DENND4A: variants seen among roughly 807,000 people sequenced by gnomAD.
DENND4A encodes C-myc promoter-binding protein.
Under a neutral mutation model 199.3 loss-of-function variants are expected in DENND4A, and 70 were observed. The ratio of observed to expected loss-of-function variants is 0.35; its 90% CI spans 0.29 to 0.43. DENND4A has a LOEUF of 0.43. DENND4A is among the 20% of genes least tolerant of loss of function. DENND4A has a pLI of 1.00. For synonymous variants in DENND4A, 686 were observed against 766.9 expected, an observed-to-expected ratio of 0.89 and a Z score of 1.74; for missense variants, 1,723 against 2,255.8, an observed-to-expected ratio of 0.76 and a Z score of 4.78.
chr15:65,699,678 T>C (rs1461763186), intron 20 of DENND4A, among the ~76,000 whole-genome samples: 3 of 148,252 alleles, frequency 2.0e-5, no homozygotes, highest in Non-Finnish European at 4.5e-5. Context: ...ATTTTATATA[T>C]ATATATAAAT....
intron 1 of DENND4A, among the ~76,000 whole-genome samples, chr15:65,784,456 CA>C (rs60657281): frequency 1.9e-3 from 259 of 138,182 alleles, no homozygotes; most frequent in East Asian, 4.8e-3. Context: ...CCATTTCTTA[CA>C]AAAAAAAAAA....
At chr15:65,743,712 T>C (rs868251944) in intron 4 of DENND4A, among the ~76,000 whole-genome samples, 1 of 152,230 alleles carries the variant, frequency 6.6e-6, no homozygotes, top group Non-Finnish European at 1.5e-5. Flanking sequence ...CTCCATAAAG[T>C]ATTTGCTGAA....
chr15:65,757,273 G>T (rs916462821), intron 2 of DENND4A, among the ~76,000 whole-genome samples: 1 of 145,080 alleles, frequency 6.9e-6, no homozygotes, highest in South Asian at 2.4e-4. Context: ...GGGGGGGGGG[G>T]GGTCTCACTA....
intron 25 of DENND4A, among the ~76,000 whole-genome samples, chr15:65,670,764 A>G (rs2076191479): frequency 6.6e-6 from 1 of 152,228 alleles, no homozygotes; most frequent in African/African-American, 2.4e-5. Flanking sequence ...ATTGCTATAG[A>G]TAACTATAAA....
intron 1 of DENND4A, among the ~76,000 whole-genome samples, chr15:65,776,380 TAAAAA>T (rs905570595): frequency 1.2e-4 from 18 of 152,212 alleles, no homozygotes; most frequent in African/African-American, 4.3e-4. Context: ...GTTTTTTACT[TAAAAA>T]AGGGAGACAT....
intron 14 of DENND4A, among the ~76,000 whole-genome samples, chr15:65,707,681 A>C (rs79587928): frequency 7.8e-4 from 118 of 151,668 alleles, no homozygotes; most frequent in African/African-American, 2.8e-3. Context: ...AATCGTATAC[A>C]TATTATGATT....
At chr15:65,783,542 C>G (rs748511972) in intron 1 of DENND4A, among the ~76,000 whole-genome samples, 3 of 152,128 alleles carry the variant, frequency 2.0e-5, no homozygotes, top group Non-Finnish European at 4.4e-5. Flanking sequence ...CACTGAGTAA[C>G]CAGATCTTGG....
At chr15:65,771,400 A>G in intron 1 of DENND4A, 2 of 1,583,634 alleles carry the variant, frequency 1.3e-6, no homozygotes, top group South Asian at 1.1e-5. Context: ...ATTCATTTTT[A>G]AAGTCCTTGC....
chr15:65,664,919 G>C, intron 30 of DENND4A, 197 bp from the exon 31 acceptor site: 1 of 543,634 alleles, frequency 1.8e-6, no homozygotes, highest in Non-Finnish European at 3.2e-6. Context: ...AAAGCTTTCT[G>C]TGGTCTTAAA....
intron 25 of DENND4A, among the ~76,000 whole-genome samples, chr15:65,671,210 A>G (rs1192573690): frequency 6.6e-6 from 1 of 152,196 alleles, no homozygotes; most frequent in Non-Finnish European, 1.5e-5. Context: ...AATACTAACA[A>G]AGAAAATTAA....
At chr15:65,791,854 C>G (rs1159927328) in intron 1 of DENND4A, among the ~76,000 whole-genome samples, 156 bp downstream of exon 1, 2 of 152,202 alleles carry the variant, frequency 1.3e-5, no homozygotes, top group Non-Finnish European at 2.9e-5. Context: ...CCGCGGAGCA[C>G]CTCCCGGATC....
chr15:65,787,155 T>C (rs1442753015), intron 1 of DENND4A, among the ~76,000 whole-genome samples: 1 of 152,156 alleles, frequency 6.6e-6, no homozygotes, highest in Non-Finnish European at 1.5e-5. Context: ...AAATCTCTCA[T>C]CTACAAAACA....
intron 1 of DENND4A, among the ~76,000 whole-genome samples, chr15:65,762,272 G>A (rs1339767592): frequency 6.6e-6 from 1 of 152,092 alleles, no homozygotes; most frequent in Non-Finnish European, 1.5e-5. Context: ...CTCCCAAAGT[G>A]CTGGGATTAC....
intron 1 of DENND4A, among the ~76,000 whole-genome samples, chr15:65,764,898 G>T (rs555796633): frequency 1.3e-5 from 2 of 151,008 alleles, no homozygotes; most frequent in Admixed American, 1.3e-4. Flanking sequence ...CTTGAGCCCA[G>T]GAGGTTGAGG....
chr15:65,667,788 A>G (rs1170894826), intron 28 of DENND4A, 85 bp from the exon 29 acceptor site: 18 of 1,499,614 alleles, frequency 1.2e-5, no homozygotes, highest in Non-Finnish European at 1.5e-5. Flanking sequence ...TATGAGTAGA[A>G]AAGTAATATA....
intron 23 of DENND4A, chr15:65,680,983 G>GGC (rs2076553947): frequency 6.6e-6 from 1 of 152,196 alleles, no homozygotes; most frequent in Non-Finnish European, 1.5e-5. Context: ...GCTGCTGAAG[G>GGC]TTGAGTGGCT....
chr15:65,686,023 A>G (rs868752139), intron 23 of DENND4A, among the ~76,000 whole-genome samples: 6 of 152,208 alleles, frequency 3.9e-5, no homozygotes, highest in South Asian at 2.1e-4. Flanking sequence ...TATTTTCTAT[A>G]TTAATTTTAG....
chr15:65,785,564 GA>G (rs1391639260), intron 1 of DENND4A, among the ~76,000 whole-genome samples: 1 of 148,356 alleles, frequency 6.7e-6, no homozygotes, highest in African/African-American at 2.5e-5. Context: ...TTTTATTTTT[GA>G]AAAGTTTTAA....
intron 20 of DENND4A, among the ~76,000 whole-genome samples, chr15:65,698,610 T>C (rs966857927): frequency 6.6e-6 from 1 of 152,078 alleles, no homozygotes; most frequent in Non-Finnish European, 1.5e-5. Context: ...TTTCAGTTTT[T>C]ATTTTTTCTA....
Sources: allele counts gnomAD v4.1 joint callset (sites outside exome capture counted in the v4.1 genomes callset), GRCh38; gene constraint gnomAD v4.1.1; transcripts MANE v1.5; gene names NCBI Gene and HGNC (gene_info 2026-07-23, HGNC 2026-07-21).